The following CDH12 variants were observed in gnomAD, a reference collection of about 807,000 sequenced individuals.
CDH12 encodes cadherin-12.
In CDH12, 41 loss-of-function variants were observed where a neutral mutation model predicts 74.1. The ratio of observed to expected loss-of-function variants is 0.55; its 90% confidence interval spans 0.43 to 0.72. The LOEUF (loss-of-function observed/expected upper bound fraction) is 0.72. Among genes scored for constraint, CDH12 ranks in the 30% least tolerant of loss-of-function variants. CDH12 has a pLI of 0.00. For synonymous variants in CDH12, 399 were observed against 355.0 expected (o/e 1.12, Z -1.39); for missense variants, 945 against 977.2 (o/e 0.97, Z 0.44).
At chr5:21,842,637 A>T (rs1461937151) in intron 7 of CDH12, among the ~76,000 whole-genome samples, 1 of 152,192 alleles carries the variant, frequency 6.6e-6, no homozygotes, top group Non-Finnish European at 1.5e-5. Flanking sequence ...TATATGCACG[A>T]TCCTATCTTT....
At chr5:22,199,728 A>G (rs1245713828) in intron 4 of CDH12, among the ~76,000 whole-genome samples, 1 of 152,270 alleles carries the variant, frequency 6.6e-6, no homozygotes, top group East Asian at 1.9e-4. Flanking sequence ...TTGACAAGAG[A>G]TATGTCTCTA....
intron 3 of CDH12, among the ~76,000 whole-genome samples, chr5:22,372,121 T>C (rs575045622): frequency 6.6e-6 from 1 of 152,116 alleles, no homozygotes; most frequent in East Asian, 1.9e-4. Context: ...GGTGTACTGA[T>C]GAAGAAAATG....
intron 3 of CDH12, among the ~76,000 whole-genome samples, chr5:22,336,063 C>T (rs1739568116): frequency 6.6e-6 from 1 of 152,106 alleles, no homozygotes; most frequent in South Asian, 2.1e-4. Flanking sequence ...TTGTTCGGAA[C>T]TGGAGCAAAG....
intron 9 of CDH12, among the ~76,000 whole-genome samples, chr5:21,810,366 A>G (rs1747682746): frequency 6.6e-6 from 1 of 152,114 alleles, no homozygotes; most frequent in African/African-American, 2.4e-5. Context: ...TCATAGGTGG[A>G]GAAAGGAAAA....
At chr5:22,066,162 T>A (rs929384602) in intron 5 of CDH12, among the ~76,000 whole-genome samples, 2 of 152,142 alleles carry the variant, frequency 1.3e-5, no homozygotes, top group African/African-American at 4.8e-5. Context: ...CTAATTTTTT[T>A]TAATTTTTTA....
chr5:21,960,511 T>A (rs1756308488), intron 6 of CDH12, among the ~76,000 whole-genome samples: 1 of 152,164 alleles, frequency 6.6e-6, no homozygotes, highest in Non-Finnish European at 1.5e-5. Context: ...TCATATGCTG[T>A]AAATTTCTTG....
At chr5:22,679,288 C>T (rs1741368242) in intron 1 of CDH12, among the ~76,000 whole-genome samples, 1 of 152,078 alleles carries the variant, frequency 6.6e-6, no homozygotes, top group Non-Finnish European at 1.5e-5. Context: ...TGTGTTCATT[C>T]CTAACCTGAT....
At chr5:22,288,739 GT>G (rs1003216541) in intron 3 of CDH12, among the ~76,000 whole-genome samples, 4 of 152,122 alleles carry the variant, frequency 2.6e-5, no homozygotes, top group Admixed American at 2.0e-4. Flanking sequence ...GAAGACAGTA[GT>G]CATTTTTTCC....
At chr5:21,989,176 T>C (rs1396539385) in intron 5 of CDH12, among the ~76,000 whole-genome samples, 1 of 152,178 alleles carries the variant, frequency 6.6e-6, no homozygotes, top group Admixed American at 6.5e-5. Context: ...TTGTCAACAA[T>C]AAGAATTGTA....
At chr5:22,362,766 T>C (rs1337884831) in intron 3 of CDH12, among the ~76,000 whole-genome samples, 13 of 151,496 alleles carry the variant, frequency 8.6e-5, no homozygotes, top group African/African-American at 2.9e-4. Context: ...AAAGGATGAG[T>C]TCATGTCCTT....
chr5:22,483,211 C>T (rs1014326405), intron 2 of CDH12, among the ~76,000 whole-genome samples: 5 of 152,026 alleles, frequency 3.3e-5, no homozygotes, highest in Admixed American at 6.6e-5. Flanking sequence ...TGCCATGTCA[C>T]GTCTATTAAC....
intron 1 of CDH12, among the ~76,000 whole-genome samples, chr5:22,645,583 C>A (rs1000914637): frequency 2.0e-5 from 3 of 151,906 alleles, no homozygotes; most frequent in African/African-American, 4.8e-5. Flanking sequence ...GTGGACAAAG[C>A]AATAGTCAAG....
chr5:22,324,370 A>C (rs6862687), intron 3 of CDH12, among the ~76,000 whole-genome samples: 1,606 of 152,128 alleles, frequency 0.011, 31 homozygotes, highest in African/African-American at 0.036. Flanking sequence ...AGCTTTATAT[A>C]TCTATATGTA....
At chr5:22,244,617 G>C (rs1407698229) in intron 3 of CDH12, among the ~76,000 whole-genome samples, 1 of 139,584 alleles carries the variant, frequency 7.2e-6, no homozygotes, top group Non-Finnish European at 1.5e-5. Flanking sequence ...AAAGGAAGGA[G>C]GGAGGGAAGG....
At chr5:22,761,125 A>G (rs1046366589) in intron 1 of CDH12, among the ~76,000 whole-genome samples, 2 of 152,176 alleles carry the variant, frequency 1.3e-5, no homozygotes, top group African/African-American at 4.8e-5. Flanking sequence ...AATGAATGAC[A>G]CTTCAAAGAT....
intron 3 of CDH12, among the ~76,000 whole-genome samples, chr5:22,369,344 C>T (rs1741170403): frequency 6.6e-6 from 1 of 151,454 alleles, no homozygotes; most frequent in South Asian, 2.1e-4. Context: ...TGGAAAAATA[C>T]TTTCTAATAA....
At chr5:21,941,090 T>G (rs1017428156) in intron 6 of CDH12, among the ~76,000 whole-genome samples, 11 of 152,166 alleles carry the variant, frequency 7.2e-5, no homozygotes, top group African/African-American at 2.4e-4. Context: ...GGTACACCTT[T>G]TAAAATATTC....
chr5:22,724,059 G>C (rs1744034903), intron 1 of CDH12, among the ~76,000 whole-genome samples: 1 of 151,606 alleles, frequency 6.6e-6, no homozygotes, highest in East Asian at 1.9e-4. Flanking sequence ...GCGTCACATA[G>C]GTAGCAATTG....
intron 3 of CDH12, among the ~76,000 whole-genome samples, chr5:22,263,939 A>T (rs969223730): frequency 6.6e-6 from 1 of 151,970 alleles, no homozygotes; most frequent in African/African-American, 2.4e-5. Context: ...ACTATGCTAG[A>T]TATTTATCAT....
Sources: allele counts gnomAD v4.1 joint callset (sites outside exome capture counted in the v4.1 genomes callset), GRCh38; gene constraint gnomAD v4.1.1; transcripts MANE v1.5; gene names NCBI Gene and HGNC (gene_info 2026-07-23, HGNC 2026-07-21).